Variants in IGF1R observed in about 807,000 individuals in gnomAD.
IGF1R encodes insulin-like growth factor 1 receptor.
A neutral mutation model predicts 144.6 loss-of-function variants in IGF1R; 44 were observed. The ratio of observed to expected loss-of-function variants is 0.30; its 90% CI spans 0.24 to 0.39. The LOEUF is 0.39. Among genes scored for constraint, IGF1R ranks in the 10% least tolerant of loss-of-function variants. The probability of loss-of-function intolerance (pLI) is 1.00; values close to 1 mark genes in which losing one functional copy is unlikely to be tolerated. For missense variants in IGF1R, 1,355 were observed against 1,833.7 expected (o/e 0.74, Z 4.77); for synonymous variants, 795 against 722.8 (o/e 1.10, Z -1.60).
intron 2 of IGF1R, among the ~76,000 whole-genome samples, chr15:98,743,114 A>G (rs1326540028): frequency 2.0e-5 from 3 of 152,174 alleles, no homozygotes; most frequent in African/African-American, 7.2e-5. Context: ...CTTTTCTACC[A>G]GTGACTAGTC....
Position 98,707,687 on chromosome 15 carries a change from C to T in IGF1R, c.220C>T (p.Arg74Cys), listed in dbSNP as rs557275352. 6.2e-6 allele frequency: 10 copies of T among 1,614,148 alleles called. No individual in the cohort carries two copies. The highest frequency in any genetic ancestry group is 5.3e-5 in the African/African-American group (4 of 75,014). ...ISKAEDYRSY[R>C]FPKLTVITEY... is the part of the protein sequence containing the mutation. ...CAAGGCCGAGGACTACCGCAGCTAC[C>T]GCTTCCCCAAGCTCACGGTCATTAC... Residue 74 changes from arginine to cysteine, a missense_variant, in exon 2 of 21, where the codon CGC becomes TGC. Physicochemically the swap from Arg to Cys is radical, Grantham distance 180. Coordinates refer to ENST00000650285, the MANE Select transcript of IGF1R (RefSeq NM_000875.5). This position sits in a 1 kb window ranked among gnomAD's most constrained non-coding sequence, Gnocchi z 6.7.
At chr15:98,946,683 A>C (rs530520925) in intron 19 of IGF1R, among the ~76,000 whole-genome samples, 2 of 152,320 alleles carry the variant, frequency 1.3e-5, no homozygotes, top group South Asian at 4.1e-4. Flanking sequence ...ACAGGGCACA[A>C]ATCGGAGTTC....
At chr15:98,752,211 C>T (rs1208733677) in intron 2 of IGF1R, among the ~76,000 whole-genome samples, 4 of 152,144 alleles carry the variant, frequency 2.6e-5, no homozygotes, top group Admixed American at 6.5e-5. Flanking sequence ...ACAAAACATT[C>T]GTGTGTGAAC....
At chr15:98,656,886 A>C (rs1044097148) in intron 1 of IGF1R, among the ~76,000 whole-genome samples, 1 of 152,204 alleles carries the variant, frequency 6.6e-6, no homozygotes, top group African/African-American at 2.4e-5. Flanking sequence ...TTTTCTTTTT[A>C]ACATGGCACT....
chr15:98,954,821 T>C (rs2016914984), intron 20 of IGF1R, among the ~76,000 whole-genome samples: 2 of 152,212 alleles, frequency 1.3e-5, no homozygotes, highest in South Asian at 4.1e-4. Context: ...ATGGGGAGTT[T>C]GGAAAGGCAG....
At chr15:98,777,316 G>T (rs2055744344) in intron 2 of IGF1R, among the ~76,000 whole-genome samples, 1 of 152,244 alleles carries the variant, frequency 6.6e-6, no homozygotes, top group African/African-American at 2.4e-5. Flanking sequence ...CTTGGTTAAT[G>T]TACTTGCCAA....
chr15:98,949,800 C>G (rs192620562), intron 20 of IGF1R, among the ~76,000 whole-genome samples: 1 of 152,320 alleles, frequency 6.6e-6, no homozygotes, highest in Admixed American at 6.5e-5. Context: ...AGAAGCCCCC[C>G]TTTTGGTGGA....
In IGF1R at chr15:98,785,165, G is replaced by T. The variant is rs41390445; in HGVS notation, c.640+77058G>T. On this transcript the variant is annotated intron_variant, in intron 2 of 20. Transcript: ENST00000650285. ...TGACTTGATTGGTTAGTGCCTTACA[G>T]TAATTAACCTCCAAATCATCAGAAT... Among the ~76,000 whole-genome samples, 257 of 152,310 alleles carry T rather than the reference G, an allele frequency of 1.7e-3. 2 individuals are homozygous for T. Among genetic ancestry groups the T allele is most frequent in the African/African-American group, 5.8e-3 (241 of 41,578 alleles).
chr15:98,788,215 T>TTGTA (rs2056051266), intron 2 of IGF1R, among the ~76,000 whole-genome samples: 1 of 152,120 alleles, frequency 6.6e-6, no homozygotes, highest in African/African-American at 2.4e-5. Flanking sequence ...AAGCATCAAG[T>TTGTA]TGTATGCATC....
intron 2 of IGF1R, among the ~76,000 whole-genome samples, chr15:98,802,994 T>A (rs2056393088): frequency 6.6e-6 from 1 of 152,138 alleles, no homozygotes; most frequent in African/African-American, 2.4e-5. Context: ...AGTGAAAAAA[T>A]GGTTTCCTGC....
chr15:98,727,775 G>A (rs2054396274), intron 2 of IGF1R, among the ~76,000 whole-genome samples: 2 of 152,144 alleles, frequency 1.3e-5, no homozygotes, highest in South Asian at 4.2e-4. Context: ...GATTCCTGTG[G>A]GCTTAGTCAC....
intron 1 of IGF1R, among the ~76,000 whole-genome samples, chr15:98,684,368 T>C (rs2053268956): frequency 7.2e-6 from 1 of 139,420 alleles, no homozygotes. Flanking sequence ...TGTAGCTCTG[T>C]GGGGTTTTTT....
At chr15:98,868,769 A>C (rs190630726) in intron 2 of IGF1R, among the ~76,000 whole-genome samples, 5 of 152,298 alleles carry the variant, frequency 3.3e-5, no homozygotes, top group African/African-American at 9.6e-5. Flanking sequence ...CTGACAGCGT[A>C]TGCCAAGCGC....
At chr15:98,895,661 T>A (rs1473508927) in intron 3 of IGF1R, among the ~76,000 whole-genome samples, 2 of 152,210 alleles carry the variant, frequency 1.3e-5, no homozygotes, top group Non-Finnish European at 2.9e-5. Flanking sequence ...GTTTACCTGT[T>A]AGCTTTTAAA....
At chr15:98,902,416 T>C (rs975064915) in intron 5 of IGF1R, among the ~76,000 whole-genome samples, 1 of 77,896 alleles carries the variant, frequency 1.3e-5, no homozygotes, top group Non-Finnish European at 2.5e-5. Flanking sequence ...TTTCTTGAAC[T>C]TTTTTTTTTT....
intron 2 of IGF1R, among the ~76,000 whole-genome samples, chr15:98,878,693 AAACAACAAC>A (rs1325197629): frequency 6.3e-5 from 8 of 126,116 alleles, no homozygotes; most frequent in African/African-American, 2.5e-4. Flanking sequence ...AAAAAAAAAA[AAACAACAAC>A]AAAAAAAAGG....
chr15:98,685,702 G>T (rs894467396), intron 1 of IGF1R, among the ~76,000 whole-genome samples: 1 of 152,218 alleles, frequency 6.6e-6, no homozygotes, highest in African/African-American at 2.4e-5. Flanking sequence ...GATGGAACAG[G>T]AGTGTGCAAG....
intron 2 of IGF1R, among the ~76,000 whole-genome samples, chr15:98,749,018 G>C (rs1376324690): frequency 6.6e-6 from 1 of 152,122 alleles, no homozygotes; most frequent in Non-Finnish European, 1.5e-5. Flanking sequence ...CTTTCCATGA[G>C]ACCTCCACTG....
In IGF1R at chr15:98,951,186, G is replaced by T. The variant is rs542202532; in HGVS notation, c.3722+2478G>T. Among the ~76,000 whole-genome samples, 4 of 152,230 alleles carry T rather than the reference G, an allele frequency of 2.6e-5. No individual in the cohort carries two copies. In the East Asian group the frequency reaches 7.7e-4, roughly 29 times the overall value. ...ACCCTTGCACAGCTAGCACATGTGG[G>T]GGCTCCCATTGTCCCATCAAGGCAG... On this transcript the variant is annotated intron_variant, in intron 20 of 20. Transcript: ENST00000650285.
Sources: gnomAD v4.1 joint callset for allele counts (sites outside exome capture counted in the v4.1 genomes callset) on GRCh38, gnomAD v4.1.1 for gene constraint, Gnocchi (gnomAD v3.1) non-coding constraint, MANE v1.5 for transcripts, NCBI Gene and HGNC (gene_info 2026-07-23, HGNC 2026-07-21) for gene names.